Variants in BLTP1 observed in about 807,000 individuals in gnomAD.
The protein encoded by BLTP1 is bridge-like lipid transfer protein family member 1, also known as fragile site-associated protein.
At chr4:122,340,936 T>C in the BLTP1 span, 2 of 695,724 alleles carry the variant, frequency 2.9e-6, no homozygotes, top group Non-Finnish European at 3.5e-6. Context: ...TGATACCATA[T>C]TTTTCCAAGG....
chr4:122,175,069 A>T, the BLTP1 span: 1 of 950,390 alleles, frequency 1.1e-6, no homozygotes, highest in Non-Finnish European at 1.3e-6. Context: ...TATTCAAAGA[A>T]GGAAACACAA....
chr4:122,279,671 CCT>C, the BLTP1 span: 5 of 1,287,444 alleles, frequency 3.9e-6, no homozygotes, highest in Non-Finnish European at 5.2e-6. Context: ...TTTTTGAAGA[CCT>C]CTCAAATTTA....
At chr4:122,305,316 A>T in the BLTP1 span, 5 of 969,810 alleles carry the variant, frequency 5.2e-6, no homozygotes, top group Non-Finnish European at 6.1e-6. Flanking sequence ...TTAAGTGTAT[A>T]CCTTTCCTGT....
the BLTP1 span, chr4:122,184,776 G>A: frequency 3.0e-6 from 3 of 985,320 alleles, no homozygotes; most frequent in South Asian, 1.4e-4. Context: ...CCACACATGA[G>A]AAACTGCAAA....
chr4:122,289,858 A>G, the BLTP1 span: 5 of 898,906 alleles, frequency 5.6e-6, no homozygotes, highest in African/African-American at 9.0e-5. Context: ...TTCACTTACA[A>G]TTTTGATGAG....
At chr4:122,247,444 C>G in the BLTP1 span, 1 of 1,446,266 alleles carries the variant, frequency 6.9e-7, no homozygotes, top group East Asian at 2.3e-5. Context: ...TTTCCTTTGA[C>G]TATTGCTACA....
chr4:122,322,574 A>AT, the BLTP1 span, among the ~76,000 whole-genome samples: 1 of 151,938 alleles, frequency 6.6e-6, no homozygotes, highest in African/African-American at 2.4e-5. Context: ...ATGCCTTGTA[A>AT]TTTTTTATTG....
chr4:122,246,786 T>C, the BLTP1 span: 1 of 1,613,114 alleles, frequency 6.2e-7, no homozygotes, highest in East Asian at 2.2e-5. Flanking sequence ...TTTGACAGAA[T>C]TGCTACACAG....
chr4:122,340,375 A>C, the BLTP1 span, among the ~76,000 whole-genome samples: 7,663 of 152,176 alleles, frequency 0.05, 271 homozygotes, highest in Non-Finnish European at 0.075. Context: ...TGGAGGGGGA[A>C]ATACCTTTCT....
chr4:122,361,263 A>G, the BLTP1 span, among the ~76,000 whole-genome samples: 19 of 152,292 alleles, frequency 1.2e-4, no homozygotes, highest in African/African-American at 4.6e-4. Flanking sequence ...TACGGCAACA[A>G]TAGCTTTCTA....
At chr4:122,244,865 A>G in the BLTP1 span, 1 of 606,268 alleles carries the variant, frequency 1.6e-6, no homozygotes, top group Non-Finnish European at 2.1e-6. Flanking sequence ...TTTCCCTTGT[A>G]TAATTTCTAA....
the BLTP1 span, chr4:122,212,002 C>T: frequency 3.2e-3 from 3,026 of 947,898 alleles, 76 homozygotes; most frequent in African/African-American, 0.048. Context: ...TTTACAGGAT[C>T]GGCAGATTCA....
the BLTP1 span, among the ~76,000 whole-genome samples, chr4:122,342,597 G>A: frequency 6.6e-6 from 1 of 152,076 alleles, no homozygotes; most frequent in Non-Finnish European, 1.5e-5. Flanking sequence ...CTCGTGATCT[G>A]CCCACTTCGG....
chr4:122,299,189 G>A, the BLTP1 span: 1,611 of 970,542 alleles, frequency 1.7e-3, 3 homozygotes, highest in Admixed American at 1.9e-3. Context: ...TGATAAGGGT[G>A]TATCAGAAAG....
At chr4:122,285,786 G>A in the BLTP1 span, among the ~76,000 whole-genome samples, 1 of 152,164 alleles carries the variant, frequency 6.6e-6, no homozygotes, top group African/African-American at 2.4e-5. Flanking sequence ...AAAGGAGCAT[G>A]TGTATGTACA....
At chr4:122,327,127 T>TTTTG in the BLTP1 span, among the ~76,000 whole-genome samples, 2 of 151,454 alleles carry the variant, frequency 1.3e-5, no homozygotes, top group East Asian at 3.9e-4. Flanking sequence ...TTTTGTTTTG[T>TTTTG]TTTGTTTGAC....
chr4:122,255,084 T>C, the BLTP1 span: 1 of 1,547,632 alleles, frequency 6.5e-7, no homozygotes, highest in South Asian at 1.2e-5. Context: ...ATTTGTAGGC[T>C]CTTTCATACC....
the BLTP1 span, among the ~76,000 whole-genome samples, chr4:122,177,006 A>G: frequency 6.6e-6 from 1 of 152,170 alleles, no homozygotes; most frequent in Non-Finnish European, 1.5e-5. Context: ...TCTGTCATTC[A>G]CTAGCGTTAA....
chr4:122,308,486 A>G, the BLTP1 span, among the ~76,000 whole-genome samples: 2 of 152,066 alleles, frequency 1.3e-5, no homozygotes, highest in Admixed American at 1.3e-4. Context: ...CAAGGAAGTC[A>G]TTGGTATGGA....
Sources: allele counts gnomAD v4.1 joint callset (sites outside exome capture counted in the v4.1 genomes callset), GRCh38; gene constraint gnomAD v4.1.1; transcripts MANE v1.5; gene names NCBI Gene and HGNC (gene_info 2026-07-23, HGNC 2026-07-21).